PCDHGA10: variants seen among roughly 807,000 people sequenced by gnomAD.
The protein encoded by PCDHGA10 is protocadherin gamma subfamily A, 10.
Under a neutral mutation model 59.5 loss-of-function variants are expected in PCDHGA10, and 42 were observed. The ratio of observed to expected loss-of-function variants is 0.71; its 90% CI spans 0.55 to 0.91. The LOEUF is 0.91. Ranked by LOEUF, PCDHGA10 falls within the 40% of genes least tolerant of loss-of-function variation. The pLI is 0.00. For missense variants in PCDHGA10, 1,111 were observed against 1,198.2 expected, an observed-to-expected ratio of 0.93 and a Z score of 1.07; for synonymous variants, 511 against 517.2, an observed-to-expected ratio of 0.99 and a Z score of 0.16.
chr5:141,432,528 A>T lies in PCDHGA10; in HGVS notation c.2436+16917A>T. The T allele has an allele frequency of 1.2e-6, 2 of 1,613,804 alleles. No homozygotes were observed. The highest frequency in any genetic ancestry group is 1.7e-6 in the Non-Finnish European group (2 of 1,180,000). ...GCAGAGCCCGGCTACCTGGTGACCA[A>T]GGTGGTGGCGGTGGACAGAGACTCC... is the stretch of plus-strand genomic sequence containing the variant. On this transcript the variant is annotated intron_variant, in intron 1 of 3. Transcript: ENST00000398610. This position sits in a 1 kb window ranked among gnomAD's most constrained non-coding sequence, Gnocchi z 6.0.
intron 1 of PCDHGA10, among the ~76,000 whole-genome samples, chr5:141,448,571 C>G (rs1207283773): frequency 6.6e-6 from 1 of 152,128 alleles, no homozygotes; most frequent in Non-Finnish European, 1.5e-5. Flanking sequence ...TTTTATTTCC[C>G]CATTTTTTTT....
At chr5:141,480,763 A>G (rs541754723) in intron 1 of PCDHGA10, among the ~76,000 whole-genome samples, 1 of 152,308 alleles carries the variant, frequency 6.6e-6, no homozygotes, top group East Asian at 1.9e-4. Flanking sequence ...GAAGGTCCCC[A>G]CTTGATCCTA....
intron 3 of PCDHGA10, among the ~76,000 whole-genome samples, chr5:141,510,369 C>G (rs1403924479): frequency 7.1e-6 from 1 of 140,308 alleles, no homozygotes; most frequent in Non-Finnish European, 1.6e-5. Context: ...TACCGAATCT[C>G]TACTCGTGCC....
chr5:141,498,726 G>T (rs2099785379), intron 2 of PCDHGA10, among the ~76,000 whole-genome samples: 1 of 152,172 alleles, frequency 6.6e-6, no homozygotes, highest in Admixed American at 6.5e-5. Context: ...GAGGTCAGGA[G>T]TTTGAGACCA....
In PCDHGA10 at chr5:141,432,171, T is replaced by C. The variant is rs114326665; in HGVS notation, c.2436+16560T>C. On this transcript the variant is annotated intron_variant, in intron 1 of 3. Coordinates refer to ENST00000398610, the MANE Select transcript of PCDHGA10 (RefSeq NM_018913.3). This position sits in a 1 kb window ranked among gnomAD's most constrained non-coding sequence, Gnocchi z 6.0. ...GAGAACAATCCCAGAGGAGTTTCCC[T>C]CGTCTCTGTGACCGCCCACGACCCC... The C allele has an allele frequency of 4.4e-5, 71 of 1,614,046 alleles. No individual in the cohort carries two copies. In the African/African-American group the frequency reaches 8.5e-4, roughly 19 times the overall value.
At chr5:141,424,841 C>A (rs1303241053) in intron 1 of PCDHGA10, among the ~76,000 whole-genome samples, 1 of 152,126 alleles carries the variant, frequency 6.6e-6, no homozygotes. Context: ...TACATGTTAT[C>A]TGAAGCAATG....
At chr5:141,419,744 G>A (rs760207269) in intron 1 of PCDHGA10, 28 of 1,613,778 alleles carry the variant, frequency 1.7e-5, no homozygotes, top group East Asian at 2.2e-5. Context: ...GGTGCGCATG[G>A]TGCGTGCTTT....
Position 141,490,583 on chromosome 5 carries a change from A to G in PCDHGA10, c.2437-4224A>G, listed in dbSNP as rs2099701693. ...ATCAGGCTCAACATTTCAGATGTCAATGACAATGCACCCCGCTTCAACCAG... is the reference window on the plus strand; with the variant it reads ...ATCAGGCTCAACATTTCAGATGTCAGTGACAATGCACCCCGCTTCAACCAG... On this transcript the variant is annotated intron_variant, in intron 1 of 3. Coordinates refer to ENST00000398610, the MANE Select transcript of PCDHGA10 (RefSeq NM_018913.3). This position sits in a 1 kb window ranked among gnomAD's most constrained non-coding sequence, Gnocchi z 5.4. 2.5e-6 allele frequency: 4 copies of G among 1,614,138 alleles called. No homozygotes were observed. Among genetic ancestry groups the G allele is most frequent in the African/African-American group, 1.3e-5 (1 of 75,032 alleles).
At chr5:141,478,467 G>T (rs2099457769) in intron 1 of PCDHGA10, 1 of 1,613,656 alleles carries the variant, frequency 6.2e-7, no homozygotes, top group South Asian at 1.1e-5. Flanking sequence ...CCACTGGCCA[G>T]CCGCCAGAAC....
At chr5:141,448,220 G>A (rs750470070) in intron 1 of PCDHGA10, among the ~76,000 whole-genome samples, 9 of 152,148 alleles carry the variant, frequency 5.9e-5, no homozygotes, top group Non-Finnish European at 1.0e-4. Flanking sequence ...GTATGCGAAT[G>A]TATGTGTGGG....
In PCDHGA10 at chr5:141,432,677, C is replaced by T. The variant is rs1241190176; in HGVS notation, c.2436+17066C>T. On this transcript the variant is annotated intron_variant, in intron 1 of 3. Transcript: ENST00000398610. This position sits in a 1 kb window ranked among gnomAD's most constrained non-coding sequence, Gnocchi z 6.0. ...CCTGCTGGACAGAGACGCGCTCAAGCAGAGCCTCGTAGTGGCCGTCCAGGA... is the reference window on the plus strand; with the variant it reads ...CCTGCTGGACAGAGACGCGCTCAAGTAGAGCCTCGTAGTGGCCGTCCAGGA... The T allele has an allele frequency of 1.2e-6, 2 of 1,613,942 alleles. No individual in the cohort carries two copies. The highest frequency in any genetic ancestry group is 1.1e-5 in the South Asian group (1 of 91,076).
At chr5:141,418,095 C>A (rs1246996867) in intron 1 of PCDHGA10, 1 of 1,614,006 alleles carries the variant, frequency 6.2e-7, no homozygotes, top group Middle Eastern at 1.7e-4. Context: ...AGCGTAGACG[C>A]GCAGAGCGGG....
intron 2 of PCDHGA10, among the ~76,000 whole-genome samples, chr5:141,495,685 T>TA (rs758775501): frequency 1.3e-5 from 2 of 152,210 alleles, no homozygotes; most frequent in African/African-American, 2.4e-5. Context: ...TGCCATGGCA[T>TA]AAGTGCTCAA....
intron 2 of PCDHGA10, among the ~76,000 whole-genome samples, chr5:141,498,091 C>G (rs2099781521): frequency 6.6e-6 from 1 of 152,156 alleles, no homozygotes; most frequent in African/African-American, 2.4e-5. Context: ...AGAATTGTAT[C>G]TGGTGGTGTG....
chr5:141,498,251 C>A (rs1277949209), intron 2 of PCDHGA10, among the ~76,000 whole-genome samples: 1 of 152,178 alleles, frequency 6.6e-6, no homozygotes, highest in African/African-American at 2.4e-5. Flanking sequence ...CAAAGCAGGG[C>A]TGGTGTTGAG....
chr5:141,414,078 T>C lies in PCDHGA10; in HGVS notation c.903T>C (p.Tyr301=), dbSNP rs777190406. 3.1e-6 allele frequency: 5 copies of C among 1,603,326 alleles called. No individual in the cohort carries two copies. In the South Asian group the frequency reaches 4.5e-5, roughly 14 times the overall value. ...TQLLKFQLNK[Y]TGEIKISENL... ...TGTTGAAGTTCCAACTAAACAAATA[T>C]ACTGGAGAAATAAAAATATCAGAAA... The change falls in exon 1 of 4, where the codon TAT becomes TAC. Residue 301 remains tyrosine (Y), a synonymous_variant. Transcript: ENST00000398610.
intron 1 of PCDHGA10, among the ~76,000 whole-genome samples, chr5:141,481,728 C>T (rs529419213): frequency 2.1e-4 from 32 of 152,032 alleles, no homozygotes; most frequent in African/African-American, 7.2e-4. Flanking sequence ...CGGAGGCGGG[C>T]GGATCACGAG....
At position 141,432,172 on chromosome 5, in the gene PCDHGA10, C is replaced by A. The variant is rs562175068; in HGVS notation, c.2436+16561C>A. ...AGAACAATCCCAGAGGAGTTTCCCT[C>A]GTCTCTGTGACCGCCCACGACCCCG... On this transcript the variant is annotated intron_variant, in intron 1 of 3. Coordinates refer to ENST00000398610, the MANE Select transcript of PCDHGA10 (RefSeq NM_018913.3). This position sits in a 1 kb window ranked among gnomAD's most constrained non-coding sequence, Gnocchi z 6.0. 5 of 1,614,152 alleles carry A rather than the reference C, an allele frequency of 3.1e-6. No homozygotes were observed. The South Asian group carries it at 4.4e-5, about 14-fold the overall frequency.
At chr5:141,418,646 A>C (rs986717136) in intron 1 of PCDHGA10, 2 of 1,614,010 alleles carry the variant, frequency 1.2e-6, no homozygotes, top group Admixed American at 3.3e-5. Context: ...CTCCATCCTG[A>C]GAGTGAAGGC....
Sources: gnomAD v4.1 joint callset for allele counts (sites outside exome capture counted in the v4.1 genomes callset) on GRCh38, gnomAD v4.1.1 for gene constraint, Gnocchi (gnomAD v3.1) non-coding constraint, MANE v1.5 for transcripts, NCBI Gene and HGNC (gene_info 2026-07-23, HGNC 2026-07-21) for gene names.